The following HTR2C variants were observed in gnomAD, a reference collection of about 807,000 sequenced individuals.
HTR2C encodes the protein 5-hydroxytryptamine (serotonin) receptor 2C, G protein-coupled.
In HTR2C, 5 loss-of-function variants were observed where a neutral mutation model predicts 21.0. The observed-to-expected ratio is 0.24, with a 90% CI of 0.12 to 0.50. HTR2C has a LOEUF of 0.50. HTR2C is among the 20% of genes least tolerant of loss of function. The pLI is 0.98. For synonymous variants in HTR2C, 150 were observed against 145.3 expected, an observed-to-expected ratio of 1.03 and a Z score of -0.23; for missense variants, 271 against 371.2, an observed-to-expected ratio of 0.73 and a Z score of 2.22.
chrX:114,624,633 C>T (rs1172030614), intron 2 of HTR2C, among the ~76,000 whole-genome samples: 5 of 111,424 alleles, frequency 4.5e-5, no homozygotes, highest in African/African-American at 1.6e-4. Context: ...AGTTTACAAC[C>T]TGATCTTTAT....
chrX:114,887,965 G>A (rs1473260849), intron 5 of HTR2C, among the ~76,000 whole-genome samples: 2 of 110,624 alleles, frequency 1.8e-5, no homozygotes, highest in African/African-American at 3.3e-5. Context: ...AGTGAGCCAA[G>A]GTCACACCAC....
At chrX:114,808,511 G>A (rs1236265082) in intron 4 of HTR2C, among the ~76,000 whole-genome samples, 1 of 111,384 alleles carries the variant, frequency 9.0e-6, no homozygotes, top group Non-Finnish European at 1.9e-5. Context: ...TCATATGGTA[G>A]CTCAATTTTT....
intron 2 of HTR2C, among the ~76,000 whole-genome samples, chrX:114,699,839 A>G (rs1308394393): frequency 8.9e-6 from 1 of 112,377 alleles, no homozygotes; most frequent in African/African-American, 3.2e-5. Context: ...CTGCTAGGCA[A>G]TGTGTTCTTT....
chrX:114,652,999 G>T (rs1482732929), intron 2 of HTR2C, among the ~76,000 whole-genome samples: 1 of 88,808 alleles, frequency 1.1e-5, no homozygotes, highest in African/African-American at 4.0e-5. Context: ...ATTATTATAA[G>T]ACAGTCAATA....
intron 2 of HTR2C, among the ~76,000 whole-genome samples, chrX:114,629,337 T>A (rs1180612690): frequency 1.8e-5 from 2 of 111,888 alleles, no homozygotes; most frequent in Non-Finnish European, 3.8e-5. Flanking sequence ...CTTCATTTTT[T>A]AAAAGCCGTT....
chrX:114,674,354 T>C (rs897656184), intron 2 of HTR2C, among the ~76,000 whole-genome samples: 1 of 112,465 alleles, frequency 8.9e-6, no homozygotes, highest in East Asian at 2.8e-4. Context: ...CCATTGCTTA[T>C]GTTAACAACA....
chrX:114,672,846 T>C (rs1931429054), intron 2 of HTR2C, among the ~76,000 whole-genome samples: 1 of 112,341 alleles, frequency 8.9e-6, no homozygotes, highest in Non-Finnish European at 1.9e-5. Context: ...CATAACTGAG[T>C]TGTTTAGTCA....
intron 2 of HTR2C, among the ~76,000 whole-genome samples, chrX:114,628,228 GTATCTATC>G (rs3075524): frequency 2.7e-5 from 3 of 109,730 alleles, no homozygotes; most frequent in African/African-American, 3.3e-5. Context: ...CTTGATATCT[GTATCTATC>G]TATCTATCTA....
chrX:114,747,584 G>A (rs1191589556), intron 4 of HTR2C, among the ~76,000 whole-genome samples: 1 of 112,382 alleles, frequency 8.9e-6, no homozygotes, highest in African/African-American at 3.2e-5. Flanking sequence ...TTTGGTGTGA[G>A]AATAGAGCAG....
rs782204998 is a variant in HTR2C, at chrX:114,873,016, A to G, written c.550+24813A>G. Among the ~76,000 whole-genome samples the G allele has an allele frequency of 1.7e-3, 192 of 112,007 alleles. 1 individual carries two copies. Among genetic ancestry groups the G allele is most frequent in the African/African-American group, 6.1e-3 (189 of 30,980 alleles). On this transcript the variant is annotated intron_variant, in intron 5 of 5. Transcript: ENST00000276198. ...ATTTCCCAGTGTTCTCATTGTTTTTACGAAGAAGAGTATTTTCCAATGTCC... is the reference window on the plus strand; with the variant it reads ...ATTTCCCAGTGTTCTCATTGTTTTTGCGAAGAAGAGTATTTTCCAATGTCC...
At chrX:114,789,595 G>A (rs2070211174) in intron 4 of HTR2C, among the ~76,000 whole-genome samples, 1 of 110,679 alleles carries the variant, frequency 9.0e-6, no homozygotes, top group Non-Finnish European at 1.9e-5. Context: ...AAATGTTAAC[G>A]ACCTCTGAAA....
rs1932898996 is a variant in HTR2C, at chrX:114,711,987, C to T, written c.-79-14871C>T. Among the ~76,000 whole-genome samples, 4 of 111,582 alleles carry T rather than the reference C, an allele frequency of 3.6e-5. No individual in the cohort carries two copies. The South Asian group carries it at 1.1e-3, about 31-fold the overall frequency. On this transcript the variant is annotated intron_variant, in intron 2 of 5. Transcript: ENST00000276198. Reference sequence around the variant, plus strand: ...AAAGAAGCATATCAATTGTTATTAACAAAAGAAAATAATGGCTCTTTGTGA... The same window carrying T: ...AAAGAAGCATATCAATTGTTATTAATAAAAGAAAATAATGGCTCTTTGTGA...
chrX:114,586,959 G>A (rs1301313057), intron 1 of HTR2C, among the ~76,000 whole-genome samples: 1 of 111,060 alleles, frequency 9.0e-6, no homozygotes. Context: ...ATATTTATTT[G>A]TGCTTCCAAG....
intron 4 of HTR2C, among the ~76,000 whole-genome samples, chrX:114,742,570 A>C (rs1452800406): frequency 3.6e-5 from 4 of 111,373 alleles, no homozygotes; most frequent in Non-Finnish European, 5.7e-5. Flanking sequence ...TCTAAAATCT[A>C]CAAAATATAA....
At chrX:114,822,347 C>A (rs1429235456) in intron 4 of HTR2C, among the ~76,000 whole-genome samples, 10 of 111,311 alleles carry the variant, frequency 9.0e-5, no homozygotes, top group African/African-American at 2.9e-4. Context: ...ACAATTATAT[C>A]TTATTCTCTT....
At chrX:114,725,085 C>A (rs1271578534) in intron 2 of HTR2C, among the ~76,000 whole-genome samples, 1 of 110,621 alleles carries the variant, frequency 9.0e-6, no homozygotes, top group Admixed American at 9.6e-5. Flanking sequence ...TGGGGAAGTT[C>A]TCCTGGATAA....
At chrX:114,805,948 TATAC>T (rs2070419251) in intron 4 of HTR2C, among the ~76,000 whole-genome samples, 1 of 75,623 alleles carries the variant, frequency 1.3e-5, no homozygotes. Context: ...ACCATATATA[TATAC>T]ACCATATATA....
intron 4 of HTR2C, among the ~76,000 whole-genome samples, chrX:114,768,261 T>C (rs2069965361): frequency 9.0e-6 from 1 of 111,125 alleles, no homozygotes; most frequent in Non-Finnish European, 1.9e-5. Flanking sequence ...TCTATCTTGA[T>C]AAGTATTTTA....
intron 5 of HTR2C, among the ~76,000 whole-genome samples, chrX:114,901,911 T>G (rs1556485345): frequency 9.0e-6 from 1 of 111,278 alleles, no homozygotes; most frequent in Non-Finnish European, 1.9e-5. Context: ...ATAACAATTG[T>G]GAAATATGTG....
Sources: allele counts gnomAD v4.1 joint callset (sites outside exome capture counted in the v4.1 genomes callset), GRCh38; gene constraint gnomAD v4.1.1; transcripts MANE v1.5; gene names NCBI Gene and HGNC (gene_info 2026-07-23, HGNC 2026-07-21).